Variants in PASD1 observed in about 807,000 individuals in gnomAD.
PASD1 encodes circadian clock protein PASD1.
In PASD1, 13 loss-of-function variants were observed where a neutral mutation model predicts 58.8. The observed-to-expected ratio is 0.22, with a 90% CI of 0.14 to 0.35. The LOEUF (loss-of-function observed/expected upper bound fraction) is 0.35, where lower values mean the gene tolerates loss of function less well. PASD1 is among the 10% of genes least tolerant of loss of function. The pLI, the probability that PASD1 is intolerant of heterozygous loss-of-function variation, is 1.00. For missense variants in PASD1, 734 were observed against 568.3 expected (o/e 1.29, Z -2.96); for synonymous variants, 236 against 216.7 (o/e 1.09, Z -0.78).
chrX:151,622,801 ACAGG>A, intron 6 of PASD1, 132 bp from the exon 7 acceptor site: 1 of 625,900 alleles, frequency 1.6e-6, no homozygotes. Context: ...AGGAAAGAAG[ACAGG>A]AAAAATCCCA....
At position 151,594,051 on chromosome X, in the gene PASD1, G is replaced by A. The variant is rs941070013; in HGVS notation, c.-27-7476G>A. Reference sequence around the variant, plus strand: ...TGCAGTGGCACGGTCTCGGCTCACTGCAATCTCGGCCTCCTGGATTCATGC... The same window carrying A: ...TGCAGTGGCACGGTCTCGGCTCACTACAATCTCGGCCTCCTGGATTCATGC... On this transcript the variant is annotated intron_variant, in intron 1 of 15. Coordinates refer to ENST00000370357, the MANE Select transcript of PASD1 (RefSeq NM_173493.3). Among the ~76,000 whole-genome samples, 3 of 111,274 alleles carry A rather than the reference G, an allele frequency of 2.7e-5. No individual in the cohort carries two copies. In the Admixed American group the frequency reaches 2.9e-4, roughly 11 times the overall value.
intron 11 of PASD1, among the ~76,000 whole-genome samples, chrX:151,667,169 T>A (rs1321622411): frequency 1.1e-4 from 12 of 112,402 alleles, no homozygotes; most frequent in Non-Finnish European, 1.9e-5. Flanking sequence ...GTCTTTTGGC[T>A]GCATAAATGT....
intron 9 of PASD1, among the ~76,000 whole-genome samples, chrX:151,649,068 A>G (rs930491876): frequency 1.1e-4 from 12 of 112,065 alleles, no homozygotes; most frequent in Admixed American, 9.5e-5. Flanking sequence ...CTCTAAGACA[A>G]CGAATGTATC....
intron 9 of PASD1, among the ~76,000 whole-genome samples, chrX:151,656,174 G>T (rs1048227028): frequency 1.8e-4 from 20 of 111,358 alleles, no homozygotes; most frequent in African/African-American, 6.5e-4. Context: ...TAGATGTGTG[G>T]TATTATTTCT....
At chrX:151,575,277 G>C (rs2012987686) in intron 1 of PASD1, among the ~76,000 whole-genome samples, 1 of 110,193 alleles carries the variant, frequency 9.1e-6, no homozygotes, top group Non-Finnish European at 1.9e-5. Flanking sequence ...TAGCATTTCT[G>C]TGAGAATTGT....
intron 10 of PASD1, among the ~76,000 whole-genome samples, chrX:151,662,285 A>G (rs1051572700): frequency 2.7e-5 from 3 of 110,732 alleles, no homozygotes; most frequent in Admixed American, 9.7e-5. Flanking sequence ...TTGCAATCCA[A>G]TACCGTCATT....
At chrX:151,669,496 C>G (rs191774916) in intron 11 of PASD1, among the ~76,000 whole-genome samples, 1 of 110,526 alleles carries the variant, frequency 9.0e-6, no homozygotes, top group Admixed American at 9.8e-5. Flanking sequence ...TTGTTCCTAA[C>G]GTTTAACTGT....
intron 9 of PASD1, among the ~76,000 whole-genome samples, chrX:151,653,783 TTTCTTTCTTTCTTTCTTTCCTTCC>T (rs1569413689): frequency 7.5e-4 from 9 of 12,053 alleles, no homozygotes; most frequent in African/African-American, 1.3e-3. Context: ...TCTTTCTTTC[TTTCTTTCTTTCTTTCTTTCCTTCC>T]TTCCTTCCTT....
At chrX:151,586,516 A>C (rs2013167548) in intron 1 of PASD1, among the ~76,000 whole-genome samples, 1 of 111,493 alleles carries the variant, frequency 9.0e-6, no homozygotes, top group Non-Finnish European at 1.9e-5. Flanking sequence ...GAGTAACAGC[A>C]CCTATCGAAC....
At chrX:151,588,084 C>A (rs779563231) in intron 1 of PASD1, among the ~76,000 whole-genome samples, 5 of 111,967 alleles carry the variant, frequency 4.5e-5, no homozygotes, top group Non-Finnish European at 9.4e-5. Context: ...GAGAAGATGA[C>A]TTCACTCACA....
intron 8 of PASD1, among the ~76,000 whole-genome samples, chrX:151,646,233 G>A (rs2014059513): frequency 8.9e-6 from 1 of 111,917 alleles, no homozygotes. Context: ...TTATGGAGAG[G>A]CACAAAATGT....
At chrX:151,617,764 A>G (rs762905754) in intron 4 of PASD1, among the ~76,000 whole-genome samples, 201 of 112,134 alleles carry the variant, frequency 1.8e-3, no homozygotes, top group African/African-American at 6.1e-3. Flanking sequence ...AACAATAGAC[A>G]TGGAATTGGA....
At chrX:151,599,550 G>T (rs1199568377) in intron 1 of PASD1, among the ~76,000 whole-genome samples, 1 of 110,801 alleles carries the variant, frequency 9.0e-6, no homozygotes, top group East Asian at 2.9e-4. Flanking sequence ...TTCTCAGACG[G>T]GGCGGCCGGT....
intron 8 of PASD1, among the ~76,000 whole-genome samples, chrX:151,628,935 T>C (rs1045637653): frequency 6.3e-5 from 7 of 111,405 alleles, no homozygotes; most frequent in Middle Eastern, 9.3e-3. Flanking sequence ...TCCTAGGTAT[T>C]TTATTCTCTT....
At chrX:151,636,310 A>AT (rs2013929932) in intron 8 of PASD1, among the ~76,000 whole-genome samples, 1 of 111,880 alleles carries the variant, frequency 8.9e-6, no homozygotes. Flanking sequence ...TTTGATGGAC[A>AT]TTTTTTTCTA....
chrX:151,628,526 C>A (rs2013823882), intron 8 of PASD1, among the ~76,000 whole-genome samples: 1 of 111,344 alleles, frequency 9.0e-6, no homozygotes, highest in African/African-American at 3.3e-5. Flanking sequence ...AGATATGCGG[C>A]ATTATTCTGT....
chrX:151,676,408 G>A lies in PASD1; in HGVS notation c.*265G>A, dbSNP rs2014546837. On this transcript the variant is annotated 3_prime_UTR_variant, in exon 16 of 16. Coordinates refer to ENST00000370357, the MANE Select transcript of PASD1 (RefSeq NM_173493.3). ...CAGCCACAGCTGGATCTGATGTCTT[G>A]TCTGCCCCGCCCAGCTTTGCATATC... The A allele has an allele frequency of 3.6e-6, 1 of 277,010 alleles. No individual in the cohort carries two copies. Among genetic ancestry groups the A allele is most frequent in the African/African-American group, 2.8e-5 (1 of 36,150 alleles). 22.8% of individuals were successfully genotyped at this position (277,010 alleles called of 1,213,427 possible).
chrX:151,573,334 A>C (rs1006399330), intron 1 of PASD1, among the ~76,000 whole-genome samples: 1 of 111,468 alleles, frequency 9.0e-6, no homozygotes, highest in Non-Finnish European at 1.9e-5. Context: ...GTTTTCCTAC[A>C]TTTTTTCTAT....
chrX:151,643,517 C>T (rs2014021637), intron 8 of PASD1, among the ~76,000 whole-genome samples: 1 of 111,703 alleles, frequency 9.0e-6, no homozygotes, highest in Admixed American at 9.5e-5. Context: ...GGAGGCATCA[C>T]ATGCCTCTAT....
Sources: allele counts gnomAD v4.1 joint callset (sites outside exome capture counted in the v4.1 genomes callset), GRCh38; gene constraint gnomAD v4.1.1; transcripts MANE v1.5; gene names NCBI Gene and HGNC (gene_info 2026-07-23, HGNC 2026-07-21).